The following TMEM132D variants were observed in gnomAD, a reference collection of about 807,000 sequenced individuals.
TMEM132D encodes transmembrane protein 132D.
A neutral mutation model predicts 62.3 loss-of-function variants in TMEM132D; 21 were observed. The ratio of observed to expected loss-of-function variants is 0.34; its 90% CI spans 0.24 to 0.49. The LOEUF (loss-of-function observed/expected upper bound fraction) is 0.49. TMEM132D is among the 20% of genes least tolerant of loss of function. TMEM132D has a pLI of 0.99. For missense variants in TMEM132D, 1,346 were observed against 1,402.8 expected, an observed-to-expected ratio of 0.96 and a Z score of 0.65; for synonymous variants, 621 against 575.6, an observed-to-expected ratio of 1.08 and a Z score of -1.13.
At chr12:129,648,783 A>G (rs1287416885) in intron 2 of TMEM132D, among the ~76,000 whole-genome samples, 2 of 152,248 alleles carry the variant, frequency 1.3e-5, no homozygotes, top group Non-Finnish European at 2.9e-5. Context: ...TAAATGGGGA[A>G]TTCAGCAGTA....
chr12:129,076,743 G>A (rs533560701), intron 8 of TMEM132D, among the ~76,000 whole-genome samples: 17 of 152,340 alleles, frequency 1.1e-4, no homozygotes, highest in African/African-American at 4.1e-4. Flanking sequence ...CAGGCAGGGA[G>A]TAAGAGCCCT....
intron 2 of TMEM132D, among the ~76,000 whole-genome samples, chr12:129,615,584 C>CA (rs544023097): frequency 0.018 from 1,308 of 73,914 alleles, 12 homozygotes; most frequent in East Asian, 0.054. Context: ...GACCCCATCT[C>CA]AAAAAAAAAA....
At chr12:129,823,991 T>C (rs1168803767) in intron 1 of TMEM132D, among the ~76,000 whole-genome samples, 1 of 152,090 alleles carries the variant, frequency 6.6e-6, no homozygotes, top group Non-Finnish European at 1.5e-5. Context: ...GTGCTTCTCA[T>C]CGGTGAAGTC....
intron 1 of TMEM132D, among the ~76,000 whole-genome samples, chr12:129,786,906 G>A (rs918956810): frequency 6.6e-6 from 1 of 152,106 alleles, no homozygotes; most frequent in South Asian, 2.1e-4. Context: ...GGGAAGGGAA[G>A]GGGAAGGGGA....
At chr12:129,241,227 C>T (rs774147571) in intron 4 of TMEM132D, among the ~76,000 whole-genome samples, 11 of 150,280 alleles carry the variant, frequency 7.3e-5, no homozygotes, top group Non-Finnish European at 1.6e-4. Flanking sequence ...AAGAGACAAT[C>T]CATAGAATGG....
chr12:129,689,176 T>C (rs1295254395), intron 2 of TMEM132D, among the ~76,000 whole-genome samples: 2 of 151,822 alleles, frequency 1.3e-5, no homozygotes, highest in African/African-American at 4.9e-5. Flanking sequence ...GCCTTGGGGG[T>C]TGCCTGACTT....
intron 1 of TMEM132D, chr12:129,853,308 T>C (rs2292001): frequency 0.31 from 46,666 of 152,136 alleles, 8,412 homozygotes; most frequent in South Asian, 0.4. Context: ...GAAGAGAATG[T>C]CGTGGTGTCC....
intron 1 of TMEM132D, among the ~76,000 whole-genome samples, chr12:129,731,320 T>TAA (rs200720836): frequency 1.3e-5 from 2 of 151,256 alleles, no homozygotes; most frequent in African/African-American, 4.9e-5. Context: ...GAGGCAGACT[T>TAA]AAAAAAAAAT....
At chr12:129,329,445 A>T (rs1404452233) in intron 4 of TMEM132D, among the ~76,000 whole-genome samples, 1 of 152,240 alleles carries the variant, frequency 6.6e-6, no homozygotes. Context: ...TCTCACAAGA[A>T]AAGAATGCTA....
intron 4 of TMEM132D, among the ~76,000 whole-genome samples, chr12:129,216,851 G>A (rs1234843906): frequency 6.6e-6 from 1 of 152,188 alleles, no homozygotes; most frequent in Non-Finnish European, 1.5e-5. Flanking sequence ...TCCAAGTTCT[G>A]TTACTCACAG....
intron 5 of TMEM132D, among the ~76,000 whole-genome samples, chr12:129,176,776 G>A (rs1413476747): frequency 1.3e-5 from 2 of 152,236 alleles, no homozygotes; most frequent in Non-Finnish European, 1.5e-5. Flanking sequence ...ACAGGTGGGA[G>A]GACCAAGTTG....
Position 129,084,539 on chromosome 12 carries a change from T to C in TMEM132D, c.1607A>G (p.Asn536Ser). The C allele has an allele frequency of 1.2e-6, 2 of 1,612,462 alleles. No homozygotes were observed. Among genetic ancestry groups the C allele is most frequent in the Non-Finnish European group, 1.7e-6 (2 of 1,179,142 alleles). Residue 536 changes from asparagine to serine, a missense_variant, in exon 6 of 9, where the codon AAT (asparagine) becomes AGT (serine). By Grantham distance (46) the Asn-to-Ser change is conservative. Coordinates refer to ENST00000422113, the MANE Select transcript of TMEM132D (RefSeq NM_133448.3). ...GGGCACTCTCCAACCCTTGATCTGA[T>C]TGAGCTCGGTGTCGGAGACCTCGAT... Reference protein sequence around the residue: ...LQIEVSDTELNQIKGWRVPIV... With the variant: ...LQIEVSDTELSQIKGWRVPIV...
intron 1 of TMEM132D, among the ~76,000 whole-genome samples, chr12:129,809,702 A>G (rs1474453615): frequency 6.6e-6 from 1 of 152,210 alleles, no homozygotes; most frequent in Admixed American, 6.5e-5. Context: ...TAAAACAGAG[A>G]GTTCTTTAAA....
chr12:129,206,529 T>C (rs753418437), intron 5 of TMEM132D, among the ~76,000 whole-genome samples: 7 of 152,228 alleles, frequency 4.6e-5, no homozygotes, highest in Non-Finnish European at 8.8e-5. Context: ...TCAGCCACTA[T>C]GGAAAGCAGT....
At chr12:129,838,556 T>A (rs1007969640) in intron 1 of TMEM132D, among the ~76,000 whole-genome samples, 1 of 152,246 alleles carries the variant, frequency 6.6e-6, no homozygotes, top group Non-Finnish European at 1.5e-5. Context: ...AACACAGATG[T>A]GGCTCTGTAA....
intron 2 of TMEM132D, among the ~76,000 whole-genome samples, chr12:129,545,823 G>A (rs1876716426): frequency 6.6e-6 from 1 of 152,182 alleles, no homozygotes; most frequent in Non-Finnish European, 1.5e-5. Flanking sequence ...ATTCAATAGG[G>A]TAGTTCCACT....
At chr12:129,239,378 A>G (rs1158113653) in intron 4 of TMEM132D, among the ~76,000 whole-genome samples, 1 of 152,072 alleles carries the variant, frequency 6.6e-6, no homozygotes, top group East Asian at 1.9e-4. Context: ...GGTTGCGTTA[A>G]ATTTGTAGAT....
chr12:129,655,223 A>G (rs1256768260), intron 2 of TMEM132D, among the ~76,000 whole-genome samples: 1 of 146,036 alleles, frequency 6.8e-6, no homozygotes, highest in Admixed American at 6.9e-5. Context: ...CTGGGAGTAC[A>G]GGCGTGAGCC....
chr12:129,347,522 C>A (rs1351431442), intron 3 of TMEM132D, among the ~76,000 whole-genome samples: 1 of 152,108 alleles, frequency 6.6e-6, no homozygotes, highest in African/African-American at 2.4e-5. Context: ...AAAACAGAAA[C>A]CAGACTCCTT....
Sources: allele counts gnomAD v4.1 joint callset (sites outside exome capture counted in the v4.1 genomes callset), GRCh38; gene constraint gnomAD v4.1.1; transcripts MANE v1.5; gene names NCBI Gene and HGNC (gene_info 2026-07-23, HGNC 2026-07-21).